SYMPK: variants seen among roughly 807,000 people sequenced by gnomAD.
SYMPK encodes the protein symplekin scaffold protein.
A neutral mutation model predicts 136.4 loss-of-function variants in SYMPK; 49 were observed. The ratio of observed to expected loss-of-function variants is 0.36; its 90% CI spans 0.29 to 0.46. SYMPK has a LOEUF of 0.46. Ranked by LOEUF, SYMPK falls within the 20% of genes least tolerant of loss-of-function variation. The pLI is 1.00. For missense variants in SYMPK, 1,365 were observed against 1,690.0 expected (o/e 0.81, Z 3.37); for synonymous variants, 766 against 713.0 (o/e 1.07, Z -1.19).
chr19:45,860,750 C>T (rs1971947613), intron 1 of SYMPK, among the ~76,000 whole-genome samples: 1 of 152,164 alleles, frequency 6.6e-6, no homozygotes, highest in Non-Finnish European at 1.5e-5. Context: ...CTCAGGCGAT[C>T]CTCCTACCTC....
At chr19:45,854,879 C>CTTTTTT (rs35065812) in intron 1 of SYMPK, 87 of 155,324 alleles carry the variant, frequency 5.6e-4, no homozygotes, top group South Asian at 2.6e-3. Flanking sequence ...AGCAAACTTT[C>CTTTTTT]TTTTTTTTTT....
intron 8 of SYMPK, chr19:45,842,785 G>A: frequency 2.6e-6 from 1 of 379,294 alleles, no homozygotes; most frequent in African/African-American, 2.1e-5. Flanking sequence ...TTCGCTTGGG[G>A]AGGGTTATAA....
chr19:45,822,308 C>T (rs1224180590), intron 21 of SYMPK, among the ~76,000 whole-genome samples: 8 of 152,042 alleles, frequency 5.3e-5, no homozygotes, highest in African/African-American at 1.2e-4. Context: ...TTAGTAGAGA[C>T]GGGGTTTCAC....
At position 45,854,434 on chromosome 19, in the gene SYMPK, T is replaced by C; in HGVS notation, c.62A>G (p.Gln21Arg). ...RRSVASQFFT[Q>R]EEGPGIDGMT... ...GCCATCGATGCCCGGCCCCTCCTCT[T>C]GAGTGAAAAACTGTGATGCCACGCT... Residue 21 changes from glutamine to arginine, a missense_variant, in exon 2 of 27, where the codon CAA (glutamine) becomes CGA (arginine). Transcript: ENST00000245934. 2 of 1,613,936 alleles carry C rather than the reference T, an allele frequency of 1.2e-6. No homozygotes were observed. Among genetic ancestry groups the C allele is most frequent in the Middle Eastern group, 1.7e-4 (1 of 6,060 alleles).
At position 45,816,902 on chromosome 19, in the gene SYMPK, C is replaced by G; in HGVS notation, c.3154G>C (p.Val1052Leu). The stretch of plus-strand genomic sequence containing the variant: ...TGCTGGGGCGGCAGCTGCAGGATGA[C>G]CTGGAAGCTCTGGGGCTTTGTGCGC... ...CQRTKPQSFQ[V>L]ILQLPPQQLG... The change falls in exon 24 of 27, where the codon GTC becomes CTC. Residue 1052 changes from valine to leucine, a missense_variant. Around this residue, in one of 11 missense-constraint regions of SYMPK, gnomAD observed 156 missense variants for 217.8 expected, o/e 0.72. Coordinates refer to ENST00000245934, the MANE Select transcript of SYMPK (RefSeq NM_004819.3). The G allele has an allele frequency of 1.3e-6, 2 of 1,554,872 alleles. No homozygotes were observed. The highest frequency in any genetic ancestry group is 1.7e-6 in the Non-Finnish European group (2 of 1,149,176).
At chr19:45,847,614 G>A (rs796237038) in intron 7 of SYMPK, 138 bp downstream of exon 7, 5 of 1,036,664 alleles carry the variant, frequency 4.8e-6, no homozygotes, top group African/African-American at 4.8e-5. Flanking sequence ...TCTGAACCTA[G>A]CACCAGGGAT....
intron 1 of SYMPK, 35 bp downstream of exon 1, chr19:45,863,023 T>G (rs1568631467): frequency 2.5e-6 from 1 of 401,162 alleles, no homozygotes; most frequent in Non-Finnish European, 4.4e-6. Context: ...GCCTCCTCCT[T>G]TCGTCTCCGG....
chr19:45,852,680 C>T, intron 3 of SYMPK, 145 bp from the exon 4 acceptor site: 1 of 996,518 alleles, frequency 1.0e-6, no homozygotes, highest in Non-Finnish European at 1.5e-6. Context: ...TTCTCCCTAC[C>T]AAGGGTGCTA....
chr19:45,841,945 AATTCT>A (rs1971449304), intron 9 of SYMPK, among the ~76,000 whole-genome samples: 2 of 151,890 alleles, frequency 1.3e-5, no homozygotes, highest in Non-Finnish European at 2.9e-5. Context: ...ATATTTTGAT[AATTCT>A]ATTGTAATTT....
At chr19:45,820,592 A>G (rs1248525711) in intron 22 of SYMPK, 1 of 154,386 alleles carries the variant, frequency 6.5e-6, no homozygotes, top group East Asian at 1.9e-4. Flanking sequence ...GAGGGTGTCC[A>G]GCTCCGTGGG....
At chr19:45,817,621 A>G (rs1292880839) in intron 23 of SYMPK, among the ~76,000 whole-genome samples, 1 of 151,438 alleles carries the variant, frequency 6.6e-6, no homozygotes, top group Non-Finnish European at 1.5e-5. Flanking sequence ...CTAAAGCCCA[A>G]ATTTCTAGCA....
At chr19:45,837,057 C>T (rs1252032337) in intron 10 of SYMPK, among the ~76,000 whole-genome samples, 2 of 151,696 alleles carry the variant, frequency 1.3e-5, no homozygotes, top group Non-Finnish European at 2.9e-5. Flanking sequence ...AACAAACATT[C>T]AAAGAAAGTA....
rs200684200 is a variant in SYMPK, at chr19:45,821,466, C to T, written c.2811G>A (p.Leu937=). ...GTQHGEGNSA[L]SPLNPGELLI... ...GGAGCTCTCCAGGGTTCAGCGGGGA[C>T]AAGGCTGAGTTTCCCTCACCTGCAG... Residue 937 remains leucine (L), a synonymous_variant, in exon 22 of 27, where the codon TTG becomes TTA. Transcript: ENST00000245934. This position sits in a 1 kb window ranked among gnomAD's most constrained non-coding sequence, Gnocchi z 4.4. The T allele has an allele frequency of 1.7e-5, 27 of 1,613,672 alleles. No homozygotes were observed. Among genetic ancestry groups the T allele is most frequent in the Non-Finnish European group, 2.3e-5 (27 of 1,179,896 alleles).
Position 45,821,007 on chromosome 19 carries a change from C to T in SYMPK, c.2893+377G>A. ...CCCTGGCCCACAAGTGCCCTGGAGC[C>T]CTGGGTCTGCCCTGCTGCTGCGCCT... On this transcript the variant is annotated intron_variant, in intron 22 of 26. Transcript: ENST00000245934. This position sits in a 1 kb window ranked among gnomAD's most constrained non-coding sequence, Gnocchi z 4.4. 1 of 596,528 alleles carries T rather than the reference C, an allele frequency of 1.7e-6. No individual in the cohort carries two copies. The highest frequency in any genetic ancestry group is 3.0e-6 in the Non-Finnish European group (1 of 335,984). 37.0% of individuals were successfully genotyped at this position (596,528 alleles called of 1,614,324 possible).
chr19:45,834,458 CAAA>C (rs55898165), intron 11 of SYMPK, among the ~76,000 whole-genome samples: 5 of 82,046 alleles, frequency 6.1e-5, no homozygotes, highest in South Asian at 3.8e-4. Context: ...GACTTTGTCT[CAAA>C]AAAAAAAAAA....
At chr19:45,854,271 GCCAGCCCAGT>G in intron 2 of SYMPK, 31 bp from the exon 3 acceptor site, 1 of 1,612,920 alleles carries the variant, frequency 6.2e-7, no homozygotes, top group Non-Finnish European at 8.5e-7. Flanking sequence ...AGGGGATAGT[GCCAGCCCAGT>G]CCAGCCCAGT....
intron 9 of SYMPK, 55 bp downstream of exon 9, chr19:45,842,195 A>AATATAT: frequency 6.2e-7 from 1 of 1,608,552 alleles, no homozygotes; most frequent in Non-Finnish European, 8.5e-7. Flanking sequence ...GTTTAAGGTA[A>AATATAT]ATAATGAAAC....
chr19:45,852,166 T>A, intron 5 of SYMPK, 146 bp downstream of exon 5: 1 of 804,704 alleles, frequency 1.2e-6, no homozygotes, highest in South Asian at 1.5e-5. Flanking sequence ...TTATTAAGTA[T>A]TTGCTGGGGA....
chr19:45,816,018 G>T lies in SYMPK; in HGVS notation c.3520C>A (p.Pro1174Thr), dbSNP rs374029281. 3.8e-5 allele frequency: 61 copies of T among 1,594,756 alleles called. No individual in the cohort carries two copies. The highest frequency in any genetic ancestry group is 4.7e-5 in the Non-Finnish European group (55 of 1,171,028). The change falls in exon 26 of 27, where the codon CCC becomes ACC. Residue 1174 changes from proline (P) to threonine (T), a missense_variant. Pro to Thr is a conservative substitution (Grantham distance 38, BLOSUM62 -1). Around this residue, in one of 11 missense-constraint regions of SYMPK, gnomAD observed 341 missense variants for 270.5 expected, o/e 1.26. Transcript: ENST00000245934. Reference protein sequence around the residue: ...VGAPSSSSPSPSPSARPGPPP... With the variant: ...VGAPSSSSPSTSPSARPGPPP... ...GGGCCTGGCCGGGCCGACGGAGAGG[G>T]AGAGGGGGAGGAAGAGGAGGGGGCT...
Sources: allele counts gnomAD v4.1 joint callset (sites outside exome capture counted in the v4.1 genomes callset), GRCh38; gene constraint gnomAD v4.1.1; regional missense constraint gnomAD v4.1.1; non-coding constraint Gnocchi (gnomAD v3.1); transcripts MANE v1.5; gene names NCBI Gene and HGNC (gene_info 2026-07-23, HGNC 2026-07-21).